RGPD2: variants seen among roughly 807,000 people sequenced by gnomAD.
RGPD2 encodes RANBP2 like and GRIP domain containing 2.
A neutral mutation model predicts 36.0 loss-of-function variants in RGPD2; 2 were observed. The ratio of observed to expected loss-of-function variants is 0.06; its 90% confidence interval spans 0.02 to 0.17. The LOEUF is 0.17. RGPD2 is among the 10% of genes least tolerant of loss of function. The pLI, the probability that RGPD2 is intolerant of heterozygous loss-of-function variation, is 1.00. For synonymous variants in RGPD2, 19 were observed against 163.8 expected, an observed-to-expected ratio of 0.12 and a Z score of 6.75; for missense variants, 40 against 464.3, an observed-to-expected ratio of 0.09 and a Z score of 8.40.
chr2:87,912,054 C>A, the RGPD2 span, among the ~76,000 whole-genome samples: 2 of 151,804 alleles, frequency 1.3e-5, no homozygotes, highest in African/African-American at 2.4e-5. Context: ...CTCGAAGATA[C>A]CAGGTTGTTT....
the RGPD2 span, among the ~76,000 whole-genome samples, chr2:87,915,414 T>TAC: frequency 7.0e-6 from 1 of 142,604 alleles, no homozygotes; most frequent in South Asian, 2.1e-4. Flanking sequence ...ATATATTGTA[T>TAC]ATATGTATAT....
At chr2:87,915,471 A>G in the RGPD2 span, among the ~76,000 whole-genome samples, 13 of 132,490 alleles carry the variant, frequency 9.8e-5, no homozygotes, top group Admixed American at 2.3e-4. Context: ...ATATATGTGT[A>G]TGTATATATA....
the RGPD2 span, among the ~76,000 whole-genome samples, chr2:87,961,379 G>C: frequency 1.3e-5 from 2 of 151,784 alleles, no homozygotes; most frequent in Admixed American, 6.6e-5. Context: ...GCACTCGGCC[G>C]GGCTCTTGGC....
the RGPD2 span, chr2:87,989,802 T>G: frequency 7.6e-7 from 1 of 1,313,178 alleles, no homozygotes; most frequent in African/African-American, 1.5e-5. Flanking sequence ...TTTTGAAGAA[T>G]CCCTCAGTTC....
chr2:87,974,620 A>G, the RGPD2 span, among the ~76,000 whole-genome samples: 1 of 152,198 alleles, frequency 6.6e-6, no homozygotes, highest in Non-Finnish European at 1.5e-5. Context: ...CCAGATATTT[A>G]TATCCAACTC....
chr2:87,877,143 T>C, the RGPD2 span, among the ~76,000 whole-genome samples: 1 of 152,058 alleles, frequency 6.6e-6, no homozygotes, highest in Non-Finnish European at 1.5e-5. Context: ...CAATGGGTCT[T>C]GACTCTTTAT....
chr2:87,876,241 G>T, the RGPD2 span, among the ~76,000 whole-genome samples: 1 of 145,752 alleles, frequency 6.9e-6, no homozygotes, highest in African/African-American at 2.6e-5. Flanking sequence ...TCTGATCTTG[G>T]TTATTTGTTG....
chr2:87,847,111 C>T, the RGPD2 span, among the ~76,000 whole-genome samples: 1 of 152,210 alleles, frequency 6.6e-6, no homozygotes, highest in Non-Finnish European at 1.5e-5. Flanking sequence ...AATTTATCAA[C>T]TGAATTTTTA....
the RGPD2 span, among the ~76,000 whole-genome samples, chr2:87,945,953 TTC>T: frequency 4.8e-5 from 5 of 105,134 alleles, no homozygotes; most frequent in Non-Finnish European, 9.5e-5. Context: ...TAAAAATATG[TTC>T]TCCATGTATC....
At chr2:87,915,419 G>A in the RGPD2 span, among the ~76,000 whole-genome samples, 6 of 114,182 alleles carry the variant, frequency 5.3e-5, no homozygotes, top group East Asian at 1.2e-3. Context: ...TTGTATATAT[G>A]TATATGTATA....
the RGPD2 span, among the ~76,000 whole-genome samples, chr2:87,911,790 T>C: frequency 2.0e-5 from 3 of 151,998 alleles, no homozygotes; most frequent in Non-Finnish European, 4.4e-5. Context: ...CTGAACTCAT[T>C]TTAGTTGGCC....
the RGPD2 span, among the ~76,000 whole-genome samples, chr2:87,876,800 G>A: frequency 1.3e-5 from 2 of 152,062 alleles, no homozygotes; most frequent in African/African-American, 2.4e-5. Flanking sequence ...TATTGTTGGT[G>A]GGGTGTTAAA....
chr2:87,915,339 TA>T, the RGPD2 span, among the ~76,000 whole-genome samples: 4,536 of 103,330 alleles, frequency 0.044, 524 homozygotes, highest in African/African-American at 0.18. Context: ...ATTGTATATA[TA>T]ATGTATATTA....
chr2:87,832,523 G>A, the RGPD2 span, among the ~76,000 whole-genome samples: 1 of 150,000 alleles, frequency 6.7e-6, no homozygotes, highest in Non-Finnish European at 1.5e-5. Context: ...CATGTTGAAA[G>A]TAACAACTTT....
the RGPD2 span, among the ~76,000 whole-genome samples, chr2:87,967,426 T>C: frequency 6.7e-6 from 1 of 150,166 alleles, no homozygotes; most frequent in Non-Finnish European, 1.5e-5. Flanking sequence ...AAAAATTTTT[T>C]TTCCAACAAA....
At chr2:87,906,631 TC>T in the RGPD2 span, among the ~76,000 whole-genome samples, 4 of 146,056 alleles carry the variant, frequency 2.7e-5, no homozygotes, top group Admixed American at 6.9e-5. Flanking sequence ...ATAAAAGTGC[TC>T]TTTATAGTAC....
the RGPD2 span, among the ~76,000 whole-genome samples, chr2:87,938,241 T>C: frequency 6.6e-6 from 1 of 151,870 alleles, no homozygotes; most frequent in East Asian, 1.9e-4. Context: ...TAAAAGGTTA[T>C]AGAAATAGTA....
the RGPD2 span, among the ~76,000 whole-genome samples, chr2:87,922,016 C>T: frequency 1.1e-4 from 17 of 150,930 alleles, no homozygotes; most frequent in African/African-American, 7.4e-5. Flanking sequence ...AAAGTAGGCC[C>T]GGCACGGTGG....
At chr2:87,870,512 A>G in the RGPD2 span, among the ~76,000 whole-genome samples, 1 of 152,132 alleles carries the variant, frequency 6.6e-6, no homozygotes, top group African/African-American at 2.4e-5. Context: ...AAACCCCCAT[A>G]AAGACTCTGG....
Sources: allele counts gnomAD v4.1 joint callset (sites outside exome capture counted in the v4.1 genomes callset), GRCh38; gene constraint gnomAD v4.1.1; transcripts MANE v1.5; gene names NCBI Gene and HGNC (gene_info 2026-07-23, HGNC 2026-07-21).